SULF2: variants seen among roughly 807,000 people sequenced by gnomAD.
The protein encoded by SULF2 is extracellular sulfatase Sulf-2.
In SULF2, 52 loss-of-function variants were observed where a neutral mutation model predicts 107.7. The observed-to-expected ratio is 0.48, with a 90% CI of 0.39 to 0.61. SULF2 has a LOEUF of 0.61. Among genes scored for constraint, SULF2 ranks in the 20% least tolerant of loss-of-function variants. The probability of loss-of-function intolerance (pLI) is 0.00; values close to 1 mark genes in which losing one functional copy is unlikely to be tolerated. For synonymous variants in SULF2, 460 were observed against 464.3 expected (o/e 0.99, Z 0.12); for missense variants, 993 against 1,177.3 (o/e 0.84, Z 2.29).
At position 47,677,107 on chromosome 20, in the gene SULF2, G is replaced by A. The variant is rs767072756; in HGVS notation, c.1221C>T (p.Val407=). 1.2e-6 allele frequency: 2 copies of A among 1,613,722 alleles called. No homozygotes were observed. The highest frequency in any genetic ancestry group is 3.3e-5 in the Admixed American group (2 of 59,996). ...TCTCCACCAAGAAGGAGTCCCGCCA[G>A]ACCCTCATCTTCTTTTTCAAGTGAA... ...NRFHLKKKMR[V]WRDSFLVERG... Residue 407 remains valine (V), a synonymous_variant, in exon 9 of 21, where the codon GTC becomes GTT. Transcript: ENST00000688720.
intron 2 of SULF2, among the ~76,000 whole-genome samples, chr20:47,749,842 C>T (rs549075521): frequency 6.6e-6 from 1 of 152,258 alleles, no homozygotes; most frequent in East Asian, 1.9e-4. Flanking sequence ...GTATACGATC[C>T]CCACCGTGCC....
intron 2 of SULF2, among the ~76,000 whole-genome samples, chr20:47,739,025 A>G (rs1345444815): frequency 6.6e-6 from 1 of 152,200 alleles, no homozygotes; most frequent in Non-Finnish European, 1.5e-5. Flanking sequence ...GGATGCACAT[A>G]CAAGCCAAGG....
chr20:47,705,629 G>C (rs576114434), intron 3 of SULF2, among the ~76,000 whole-genome samples: 1 of 152,152 alleles, frequency 6.6e-6, no homozygotes, highest in Non-Finnish European at 1.5e-5. Context: ...ACTTGGCAAT[G>C]TCTGGAGACA....
intron 11 of SULF2, 43 bp downstream of exon 11, chr20:47,672,155 G>C (rs920961092): frequency 6.4e-7 from 1 of 1,555,336 alleles, no homozygotes; most frequent in Non-Finnish European, 8.7e-7. Context: ...CCCAGGCATG[G>C]TCTCTCTCCT....
intron 2 of SULF2, among the ~76,000 whole-genome samples, chr20:47,755,023 G>T (rs1278724752): frequency 5.8e-5 from 1 of 17,114 alleles, no homozygotes; most frequent in African/African-American, 4.2e-4. Context: ...TTGTTAAGAC[G>T]GGGGGGGTCT....
rs1015904323 is a variant in SULF2 at position 47,677,150 on chromosome 20, G to T, written c.1194-16C>A. ...CAAGTGAAACCTGGAAAAAAGCACG[G>T]CTCCTGCTTCTCAGCAACATGAGGG... On this transcript the variant is annotated splice_polypyrimidine_tract_variant and intron_variant, in intron 8 of 20. Coordinates refer to ENST00000688720, the MANE Select transcript of SULF2 (RefSeq NM_001387048.1). 3 of 1,613,292 alleles carry T rather than the reference G, an allele frequency of 1.9e-6. No homozygotes were observed. In the African/African-American group the frequency reaches 4.0e-5, roughly 22 times the overall value.
rs543334747 is a variant in SULF2 at position 47,740,302 on chromosome 20, C to T, written c.176-3360G>A. On this transcript the variant is annotated intron_variant, in intron 2 of 20. Transcript: ENST00000688720. ...AGCAGAGGCGGGGTGCTGAGTTTCACGTTCACAAAATGTCACAGTCACACG... is the reference window on the plus strand; with the variant it reads ...AGCAGAGGCGGGGTGCTGAGTTTCATGTTCACAAAATGTCACAGTCACACG... 4.9e-4 allele frequency among the ~76,000 whole-genome samples: 74 copies of T among 152,276 alleles called. 1 individual carries two copies. Among genetic ancestry groups the T allele is most frequent in the Middle Eastern group, 6.8e-3 (2 of 294 alleles).
intron 8 of SULF2, among the ~76,000 whole-genome samples, chr20:47,677,400 CTGTGTG>C (rs58936261): frequency 1.0e-4 from 15 of 143,916 alleles, no homozygotes; most frequent in East Asian, 2.1e-4. Flanking sequence ...ACCCAAGTAA[CTGTGTG>C]TGTGTGTGTG....
intron 2 of SULF2, among the ~76,000 whole-genome samples, chr20:47,738,135 G>A (rs944866548): frequency 6.6e-6 from 1 of 152,216 alleles, no homozygotes; most frequent in Non-Finnish European, 1.5e-5. Context: ...ATGAACGTGT[G>A]TGGGAGCCCT....
intron 10 of SULF2, among the ~76,000 whole-genome samples, chr20:47,674,589 C>T (rs548917136): frequency 8.7e-4 from 133 of 152,306 alleles, no homozygotes; most frequent in African/African-American, 1.6e-3. Flanking sequence ...GAATTCTAGC[C>T]GGGCCCTGCC....
chr20:47,695,013 G>A (rs1434544361), intron 4 of SULF2, among the ~76,000 whole-genome samples: 5 of 152,082 alleles, frequency 3.3e-5, no homozygotes, highest in Admixed American at 6.6e-5. Flanking sequence ...TTTTCTCCCC[G>A]CCACAGATAA....
chr20:47,705,922 C>T (rs370295853), intron 3 of SULF2, among the ~76,000 whole-genome samples: 99 of 151,966 alleles, frequency 6.5e-4, no homozygotes, highest in African/African-American at 2.0e-3. Context: ...CCTCAGCATC[C>T]CGAGTAGCTG....
chr20:47,769,433 A>C (rs574951858), intron 1 of SULF2, among the ~76,000 whole-genome samples: 43 of 150,500 alleles, frequency 2.9e-4, no homozygotes, highest in Admixed American at 5.3e-4. Flanking sequence ...CCTGACCTCA[A>C]GTGATCTGCC....
In SULF2 at chr20:47,666,791, A is replaced by C. The variant is rs925675597; in HGVS notation, c.1577-303T>G. On this transcript the variant is annotated intron_variant, in intron 11 of 20. Transcript: ENST00000688720. This position sits in a 1 kb window ranked among gnomAD's most constrained non-coding sequence, Gnocchi z 5.4. ...TGGCGGTACATCATCTGTACAACGG[A>C]ATATGCGACCAGAACCAGGAGCGAG... Among the ~76,000 whole-genome samples, 1 of 152,240 alleles carries C rather than the reference A, an allele frequency of 6.6e-6. No homozygotes were observed. The highest frequency in any genetic ancestry group is 2.4e-5 in the African/African-American group (1 of 41,470).
chr20:47,688,565 G>A (rs1239058034), intron 5 of SULF2, among the ~76,000 whole-genome samples: 1 of 152,326 alleles, frequency 6.6e-6, no homozygotes, highest in South Asian at 2.1e-4. Flanking sequence ...AGACAGGGCT[G>A]AGTGGCCTCC....
At chr20:47,693,290 A>T (rs2088262174) in intron 4 of SULF2, among the ~76,000 whole-genome samples, 1 of 152,216 alleles carries the variant, frequency 6.6e-6, no homozygotes, top group African/African-American at 2.4e-5. Context: ...CAGGGCCTGA[A>T]GGGGTCAAGT....
At chr20:47,689,944 G>T in intron 5 of SULF2, 182 bp downstream of exon 5, 2 of 553,198 alleles carry the variant, frequency 3.6e-6, no homozygotes, top group Non-Finnish European at 5.4e-6. Flanking sequence ...CTGTTGCCCA[G>T]GCTGTCTGGA....
At chr20:47,699,843 G>A (rs2088504074) in intron 4 of SULF2, among the ~76,000 whole-genome samples, 1 of 152,156 alleles carries the variant, frequency 6.6e-6, no homozygotes, top group Admixed American at 6.5e-5. Flanking sequence ...GTTCTACCTG[G>A]GCCTGATCTG....
At chr20:47,689,994 T>TG (rs2088141019) in intron 5 of SULF2, 132 bp downstream of exon 5, 2 of 892,024 alleles carry the variant, frequency 2.2e-6, no homozygotes, top group Non-Finnish European at 3.0e-6. Flanking sequence ...AGTATGTTCT[T>TG]GGGGTCTTTA....
Sources: allele counts gnomAD v4.1 joint callset (sites outside exome capture counted in the v4.1 genomes callset), GRCh38; gene constraint gnomAD v4.1.1; non-coding constraint Gnocchi (gnomAD v3.1); transcripts MANE v1.5; gene names NCBI Gene and HGNC (gene_info 2026-07-23, HGNC 2026-07-21).